NBAS: variants seen among roughly 807,000 people sequenced by gnomAD.
NBAS encodes NBAS subunit of NRZ tethering complex, also known as NAG/BC035112 fusion.
Under a neutral mutation model 302.5 loss-of-function variants are expected in NBAS, and 219 were observed. That is an observed-to-expected ratio of 0.72 (90% confidence interval 0.65 to 0.81). The LOEUF (loss-of-function observed/expected upper bound fraction) is 0.81, where lower values mean the gene tolerates loss of function less well. NBAS is among the 30% of genes least tolerant of loss of function. The pLI is 0.00. For missense variants in NBAS, 2,932 were observed against 2,841.6 expected, an observed-to-expected ratio of 1.03 and a Z score of -0.72; for synonymous variants, 1,118 against 1,021.6, an observed-to-expected ratio of 1.09 and a Z score of -1.80.
intron 44 of NBAS, among the ~76,000 whole-genome samples, chr2:15,260,270 GT>G (rs1232021397): frequency 6.6e-6 from 1 of 152,154 alleles, no homozygotes; most frequent in African/African-American, 2.4e-5. Context: ...TTGTAGCACT[GT>G]TTTCCTAAAG....
intron 44 of NBAS, among the ~76,000 whole-genome samples, chr2:15,249,986 A>C (rs1437291622): frequency 6.6e-6 from 1 of 152,220 alleles, no homozygotes; most frequent in Non-Finnish European, 1.5e-5. Flanking sequence ...TGGAACCAAA[A>C]AAGAGCCCAC....
intron 44 of NBAS, among the ~76,000 whole-genome samples, chr2:15,270,937 G>A (rs1669290302): frequency 6.6e-6 from 1 of 152,096 alleles, no homozygotes. Flanking sequence ...TTTAATGTCA[G>A]TTTCAGACAC....
intron 45 of NBAS, among the ~76,000 whole-genome samples, chr2:15,236,709 G>A (rs1189582284): frequency 6.6e-6 from 1 of 151,720 alleles, no homozygotes; most frequent in Non-Finnish European, 1.5e-5. Flanking sequence ...CTTGAAGATT[G>A]TAATTTTACT....
downstream of NBAS, among the ~76,000 whole-genome samples, chr2:15,163,881 C>T (rs1359188211): frequency 6.6e-6 from 1 of 151,982 alleles, no homozygotes; most frequent in African/African-American, 2.4e-5. Context: ...ACTGCAACCT[C>T]TGCCTCCCAG....
At chr2:15,034,291 AG>A in the NBAS span, among the ~76,000 whole-genome samples, 1 of 96,332 alleles carries the variant, frequency 1.0e-5, no homozygotes, top group African/African-American at 4.4e-5. Flanking sequence ...AAAGAAAGAA[AG>A]AAAGAAAGAA....
chr2:15,464,070 C>G (rs993143639), intron 19 of NBAS, among the ~76,000 whole-genome samples: 2 of 152,106 alleles, frequency 1.3e-5, no homozygotes, highest in Non-Finnish European at 2.9e-5. Flanking sequence ...ATGGGCACAT[C>G]GGGCTCATCA....
At chr2:14,779,721 T>C in the NBAS span, among the ~76,000 whole-genome samples, 1 of 152,324 alleles carries the variant, frequency 6.6e-6, no homozygotes, top group South Asian at 2.1e-4. Context: ...CCACCTCACA[T>C]ACTATATATT....
intron 51 of NBAS, among the ~76,000 whole-genome samples, chr2:15,172,354 C>CA (rs1334194759): frequency 6.6e-6 from 1 of 152,208 alleles, no homozygotes; most frequent in Non-Finnish European, 1.5e-5. Flanking sequence ...CCCACTCTTT[C>CA]ACATGTGAAG....
At chr2:15,298,434 C>T (rs974090127) in intron 40 of NBAS, among the ~76,000 whole-genome samples, 1 of 152,144 alleles carries the variant, frequency 6.6e-6, no homozygotes, top group African/African-American at 2.4e-5. Context: ...ACCTGGATTA[C>T]TAGTTTTTCC....
chr2:15,324,341 C>T (rs924559024), intron 38 of NBAS, among the ~76,000 whole-genome samples: 6 of 152,334 alleles, frequency 3.9e-5, no homozygotes, highest in African/African-American at 1.4e-4. Context: ...GCTGGCCACA[C>T]ATACCCTTCC....
At chr2:15,365,065 C>T (rs1674133813) in intron 32 of NBAS, among the ~76,000 whole-genome samples, 4 of 152,298 alleles carry the variant, frequency 2.6e-5, no homozygotes, top group Non-Finnish European at 4.4e-5. Flanking sequence ...ACTATGATCA[C>T]ATCCTATGTT....
chr2:14,914,143 G>A, the NBAS span, among the ~76,000 whole-genome samples: 2 of 152,246 alleles, frequency 1.3e-5, no homozygotes, highest in East Asian at 1.9e-4. Flanking sequence ...AGAACAGTAT[G>A]GAGGAAACTG....
the NBAS span, among the ~76,000 whole-genome samples, chr2:15,143,979 G>T: frequency 1.4e-5 from 2 of 146,738 alleles, no homozygotes; most frequent in East Asian, 4.3e-4. Context: ...TCAGACCACA[G>T]ATAGCCCCTT....
At chr2:14,787,963 C>T in the NBAS span, among the ~76,000 whole-genome samples, 2 of 152,218 alleles carry the variant, frequency 1.3e-5, no homozygotes, top group African/African-American at 2.4e-5. Context: ...GTACACCAAT[C>T]AGACATAGAT....
the NBAS span, among the ~76,000 whole-genome samples, chr2:15,133,762 T>C: frequency 6.6e-6 from 1 of 152,162 alleles, no homozygotes; most frequent in Non-Finnish European, 1.5e-5. Context: ...TATTTTTAAT[T>C]ACATGTGGAC....
At chr2:14,889,584 C>A in the NBAS span, among the ~76,000 whole-genome samples, 2 of 152,220 alleles carry the variant, frequency 1.3e-5, no homozygotes, top group Admixed American at 6.5e-5. Flanking sequence ...TCTCCACATT[C>A]CTACCATACA....
chr2:15,367,750 G>C (rs1335173508), intron 31 of NBAS, among the ~76,000 whole-genome samples: 1 of 152,184 alleles, frequency 6.6e-6, no homozygotes, highest in African/African-American at 2.4e-5. Context: ...AGATAAAGAA[G>C]AGAGGTGGTA....
intron 51 of NBAS, 31 bp from the exon 52 acceptor site, chr2:15,167,354 G>T (rs773997611): frequency 6.2e-7 from 1 of 1,613,392 alleles, no homozygotes; most frequent in Non-Finnish European, 8.5e-7. Flanking sequence ...ACAGCGTGAG[G>T]GGGTGTTTGC....
chr2:15,235,058 TA>T (rs921515910), intron 45 of NBAS, among the ~76,000 whole-genome samples: 135 of 152,300 alleles, frequency 8.9e-4, no homozygotes, highest in African/African-American at 3.1e-3. Context: ...TGAGATAATA[TA>T]ATGGTCAGTT....
Sources: allele counts gnomAD v4.1 joint callset (sites outside exome capture counted in the v4.1 genomes callset), GRCh38; gene constraint gnomAD v4.1.1; transcripts MANE v1.5; gene names NCBI Gene and HGNC (gene_info 2026-07-23, HGNC 2026-07-21).